Variants in TGFB2 observed in about 807,000 individuals in gnomAD.
TGFB2 encodes the protein transforming growth factor beta 2.
A neutral mutation model predicts 42.7 loss-of-function variants in TGFB2; 13 were observed. That is an observed-to-expected ratio of 0.30 (90% CI 0.20 to 0.48). The LOEUF (loss-of-function observed/expected upper bound fraction) is 0.48, where lower values mean the gene tolerates loss of function less well. Among genes scored for constraint, TGFB2 ranks in the 20% least tolerant of loss-of-function variants. The pLI is 0.99. For missense variants in TGFB2, 390 were observed against 517.5 expected, an observed-to-expected ratio of 0.75 and a Z score of 2.39; for synonymous variants, 193 against 193.6, an observed-to-expected ratio of 1.00 and a Z score of 0.03.
At chr1:218,422,539 AACC>A (rs1458213238) in intron 2 of TGFB2, among the ~76,000 whole-genome samples, 5 of 152,008 alleles carry the variant, frequency 3.3e-5, no homozygotes, top group Admixed American at 3.3e-4. Flanking sequence ...CCTTCTAATG[AACC>A]AGCACATCCC....
chr1:218,376,758 A>G (rs1271263362), intron 1 of TGFB2, among the ~76,000 whole-genome samples: 1 of 152,204 alleles, frequency 6.6e-6, no homozygotes, highest in Non-Finnish European at 1.5e-5. Context: ...CCCTGCCCTC[A>G]AGTAGCTTAT....
At chr1:218,413,353 G>A (rs905677066) in intron 2 of TGFB2, among the ~76,000 whole-genome samples, 2 of 152,202 alleles carry the variant, frequency 1.3e-5, no homozygotes, top group Non-Finnish European at 2.9e-5. Flanking sequence ...CCCGGGTTGC[G>A]TCACTGTTGG....
chr1:218,392,301 C>T (rs1488403111), intron 1 of TGFB2, among the ~76,000 whole-genome samples: 5 of 152,030 alleles, frequency 3.3e-5, no homozygotes, highest in African/African-American at 9.7e-5. Context: ...TGCAGTGAGC[C>T]GAGATCATGC....
intron 1 of TGFB2, among the ~76,000 whole-genome samples, chr1:218,400,675 TA>T (rs1277962882): frequency 8.5e-5 from 13 of 152,212 alleles, no homozygotes; most frequent in East Asian, 3.9e-4. Flanking sequence ...GAAAACATTT[TA>T]AAAAAAGGAG....
intron 2 of TGFB2, among the ~76,000 whole-genome samples, chr1:218,424,184 C>G (rs750079063): frequency 6.6e-6 from 1 of 152,178 alleles, no homozygotes; most frequent in Non-Finnish European, 1.5e-5. Context: ...AACTAAGAAG[C>G]CAGCAACAGG....
At chr1:218,379,443 T>C (rs1657882592) in intron 1 of TGFB2, among the ~76,000 whole-genome samples, 1 of 151,334 alleles carries the variant, frequency 6.6e-6, no homozygotes, top group African/African-American at 2.4e-5. Context: ...CAGTACCTTT[T>C]CTTTATTTTT....
At chr1:218,356,284 A>G (rs994281881) in intron 1 of TGFB2, among the ~76,000 whole-genome samples, 3 of 151,878 alleles carry the variant, frequency 2.0e-5, no homozygotes, top group African/African-American at 7.3e-5. Flanking sequence ...TGGCACAGAC[A>G]TGGCTCACTG....
chr1:218,431,259 T>C (rs1259978971), intron 2 of TGFB2, among the ~76,000 whole-genome samples: 1 of 152,212 alleles, frequency 6.6e-6, no homozygotes, highest in Non-Finnish European at 1.5e-5. Context: ...TGCTCTGTGG[T>C]TGAGGAAGCT....
intron 2 of TGFB2, among the ~76,000 whole-genome samples, chr1:218,433,072 AT>A (rs10482802): frequency 1.3e-5 from 2 of 151,500 alleles, no homozygotes; most frequent in East Asian, 1.9e-4. Context: ...CTTTTTCTTT[AT>A]TTTTTTTGTT....
chr1:218,397,535 A>G (rs1164006816), intron 1 of TGFB2, among the ~76,000 whole-genome samples: 22 of 147,940 alleles, frequency 1.5e-4, no homozygotes, highest in African/African-American at 4.6e-4. Context: ...CTGCACTCCA[A>G]CCTGTGCAAC....
chr1:218,405,424 G>A, intron 2 of TGFB2, 92 bp downstream of exon 2: 1 of 1,592,458 alleles, frequency 6.3e-7, no homozygotes, highest in Non-Finnish European at 8.5e-7. Flanking sequence ...GAGTACAGTG[G>A]CATGATCACA....
chr1:218,435,311 G>C (rs1378877698), intron 4 of TGFB2, among the ~76,000 whole-genome samples: 2 of 152,222 alleles, frequency 1.3e-5, no homozygotes, highest in Non-Finnish European at 2.9e-5. Flanking sequence ...ATTCTCTGGA[G>C]TGTGGAGATT....
At chr1:218,376,062 G>A (rs1276432025) in intron 1 of TGFB2, among the ~76,000 whole-genome samples, 1 of 152,192 alleles carries the variant, frequency 6.6e-6, no homozygotes, top group Non-Finnish European at 1.5e-5. Context: ...AGTTTCAGTT[G>A]AGCAAGATGA....
chr1:218,444,572 C>T lies in TGFB2; in HGVS notation c.*3210C>T, dbSNP rs767736529. ...AAGACCAGACTCCTCAAACGAGTTGCCAATCTCTTAATAAATAGGATTAAT... is the reference window on the plus strand; with the variant it reads ...AAGACCAGACTCCTCAAACGAGTTGTCAATCTCTTAATAAATAGGATTAAT... On this transcript the variant is annotated 3_prime_UTR_variant, in exon 7 of 7. Transcript: ENST00000366930. 1 of 152,136 alleles carries T rather than the reference C, an allele frequency of 6.6e-6. No homozygotes were observed. Among genetic ancestry groups the T allele is most frequent in the Non-Finnish European group, 1.5e-5 (1 of 68,024 alleles). 9.4% of individuals were successfully genotyped at this position (152,136 alleles called of 1,614,324 possible). A position where few individuals can be genotyped will look rare whatever the true frequency, so the allele number is the denominator to read the frequency against.
At chr1:218,385,202 G>C (rs1463883943) in intron 1 of TGFB2, among the ~76,000 whole-genome samples, 1 of 152,150 alleles carries the variant, frequency 6.6e-6, no homozygotes, top group African/African-American at 2.4e-5. Flanking sequence ...TTGTTTAGAA[G>C]GGTAGAGTAG....
At position 218,350,117 on chromosome 1, in the gene TGFB2, A is replaced by G. The variant is rs190128011; in HGVS notation, c.346+3070A>G. Among the ~76,000 whole-genome samples, 95 of 152,358 alleles carry G rather than the reference A, an allele frequency of 6.2e-4. 1 individual carries two copies. The highest frequency in any genetic ancestry group is 7.8e-4 in the Non-Finnish European group (53 of 68,034). The stretch of plus-strand genomic sequence containing the variant: ...GCTGCACAAGGTTTTAGAAACTTAG[A>G]AAGGGTGATTCAGTTATACACAGGA... On this transcript the variant is annotated intron_variant, in intron 1 of 6. Transcript: ENST00000366930.
At chr1:218,378,701 G>A (rs1240255832) in intron 1 of TGFB2, among the ~76,000 whole-genome samples, 2 of 151,524 alleles carry the variant, frequency 1.3e-5, no homozygotes, top group Admixed American at 6.6e-5. Flanking sequence ...GGAACTCCTG[G>A]CCCCAAAGGA....
chr1:218,396,762 C>G (rs140921050), intron 1 of TGFB2, among the ~76,000 whole-genome samples: 176 of 152,226 alleles, frequency 1.2e-3, no homozygotes, highest in African/African-American at 3.9e-3. Context: ...GAACTTAAAA[C>G]TAAGTCCACC....
chr1:218,428,440 G>A (rs924520597), intron 2 of TGFB2, among the ~76,000 whole-genome samples: 6 of 152,296 alleles, frequency 3.9e-5, no homozygotes, highest in Non-Finnish European at 8.8e-5. Context: ...TATTGCCTGG[G>A]TTTTCTTCTA....
Sources: allele counts gnomAD v4.1 joint callset (sites outside exome capture counted in the v4.1 genomes callset), GRCh38; gene constraint gnomAD v4.1.1; transcripts MANE v1.5; gene names NCBI Gene and HGNC (gene_info 2026-07-23, HGNC 2026-07-21).